ACP7: variants seen among roughly 807,000 people sequenced by gnomAD.
The protein encoded by ACP7 is acid phosphatase type 7.
In ACP7, 58 loss-of-function variants were observed where a neutral mutation model predicts 60.6. The observed-to-expected ratio is 0.96, with a 90% confidence interval of 0.77 to 1.19. The LOEUF (loss-of-function observed/expected upper bound fraction) is 1.19, where lower values mean the gene tolerates loss of function less well. ACP7 is among the 50% of genes most tolerant of loss of function. The pLI, the probability that ACP7 is intolerant of heterozygous loss-of-function variation, is 0.00. For missense variants in ACP7, 574 were observed against 596.2 expected, an observed-to-expected ratio of 0.96 and a Z score of 0.39; for synonymous variants, 237 against 232.6, an observed-to-expected ratio of 1.02 and a Z score of -0.17.
In ACP7 at chr19:39,101,154, G is replaced by A. The variant is rs777356517; in HGVS notation, c.920G>A (p.Arg307His). The A allele has an allele frequency of 5.6e-6, 9 of 1,613,984 alleles. No homozygotes were observed. Among genetic ancestry groups the A allele is most frequent in the Admixed American group, 1.7e-5 (1 of 59,998 alleles). ...DDCTRHESKV[R>H]KGLQGKLYGL... is the part of the protein sequence containing the mutation. Reference sequence around the variant, plus strand: ...CCGCTCATTCACCCTGCCCAGGTCCGCAAAGGCCTCCAAGGCAAGCTGTAC... The same window carrying A: ...CCGCTCATTCACCCTGCCCAGGTCCACAAAGGCCTCCAAGGCAAGCTGTAC... The change falls in exon 9 of 13, where the codon CGC becomes CAC. Residue 307 changes from arginine to histidine, a missense_variant. Physicochemically the swap from Arg to His is conservative, Grantham distance 29 (BLOSUM62 0). Transcript: ENST00000331256.
intron 2 of ACP7, 35 bp downstream of exon 2, chr19:39,085,425 A>G (rs2073130473): frequency 6.3e-7 from 1 of 1,582,822 alleles, no homozygotes; most frequent in African/African-American, 1.4e-5. Context: ...TGCCTCTACC[A>G]GAGAGGCCCA....
At position 39,106,997 on chromosome 19, in the gene ACP7, T is replaced by C. The variant is rs772838167; in HGVS notation, c.1164T>C (p.Ser388=). The C allele has an allele frequency of 1.3e-5, 21 of 1,613,804 alleles. No homozygotes were observed. Among genetic ancestry groups the C allele is most frequent in the Non-Finnish European group, 1.8e-5 (21 of 1,180,010 alleles). The change falls in exon 12 of 13, where the codon AGT becomes AGC. Residue 388 remains serine (S), a synonymous_variant. Transcript: ENST00000331256. ...TPFAVFPRPW[S]AVRVKEYGYT... ...TTGCTGTCTTCCCGAGGCCCTGGAG[T>C]GCCGTGCGTGTGAAGGAGTACGGGT... is the stretch of plus-strand genomic sequence containing the variant.
In ACP7 at chr19:39,098,809, G is replaced by A. The variant is rs2073302504; in HGVS notation, c.322+151G>A. 4 of 1,356,606 alleles carry A rather than the reference G, an allele frequency of 2.9e-6. No individual in the cohort carries two copies. The South Asian group carries it at 4.3e-5, about 15-fold the overall frequency. The allele number at this position is 1,356,606 out of a possible 1,614,324, so 84.0% of individuals were successfully genotyped here. A position where few individuals can be genotyped will look rare whatever the true frequency, so the allele number is the denominator to read the frequency against. Reference sequence around the variant, plus strand: ...TTGTATGAGACCCCAGGATGAAAACGGAAGGTGCCGGGGAAGGCAGACCGA... The same window carrying A: ...TTGTATGAGACCCCAGGATGAAAACAGAAGGTGCCGGGGAAGGCAGACCGA... On this transcript the variant is annotated intron_variant, in intron 3 of 12. Coordinates refer to ENST00000331256, the MANE Select transcript of ACP7 (RefSeq NM_001004318.3).
At position 39,099,049 on chromosome 19, in the gene ACP7, G is replaced by C; in HGVS notation, c.412G>C (p.Val138Leu). The change falls in exon 4 of 13, where the codon GTG becomes CTG. Residue 138 changes from valine to leucine, a missense_variant. Physicochemically the swap from Val to Leu is conservative, Grantham distance 32. Transcript: ENST00000331256. ...NGAHWSPRLA[V>L]FGDLGADNPK... ...GGCCCACTGGAGTCCCCGTCTGGCTGTGTTTGGAGACCTGGGGGCTGACAA... is the reference window on the plus strand; with the variant it reads ...GGCCCACTGGAGTCCCCGTCTGGCTCTGTTTGGAGACCTGGGGGCTGACAA... The C allele has an allele frequency of 6.2e-7, 1 of 1,612,634 alleles. No individual in the cohort carries two copies. The highest frequency in any genetic ancestry group is 8.5e-7 in the Non-Finnish European group (1 of 1,179,568).
chr19:39,098,369 A>G, intron 2 of ACP7, 89 bp from the exon 3 acceptor site: 1 of 987,180 alleles, frequency 1.0e-6, no homozygotes, highest in East Asian at 2.8e-5. Context: ...ACTGTTCAAC[A>G]GTGGTCAACG....
At chr19:39,096,786 ATTTCTTTTTTC>A (rs2073270484) in intron 2 of ACP7, among the ~76,000 whole-genome samples, 1 of 152,066 alleles carries the variant, frequency 6.6e-6, no homozygotes, top group Non-Finnish European at 1.5e-5. Context: ...GGTGAAAGCC[ATTTCTTTTTTC>A]TTTCTTTCTT....
At chr19:39,092,204 C>G (rs952826279) in intron 2 of ACP7, among the ~76,000 whole-genome samples, 7 of 152,104 alleles carry the variant, frequency 4.6e-5, no homozygotes, top group Admixed American at 1.3e-4. Flanking sequence ...AAAACCCGGT[C>G]TCTACTAAAA....
rs116018776 is a variant in ACP7, at chr19:39,101,547, G to T, written c.1113+10G>T. On this transcript the variant is annotated intron_variant, in intron 11 of 12. Transcript: ENST00000331256. ...CATCACAGGATCTGCTGTGAGCAGG[G>T]GGAAGGGTGGCTTTGCCTTCTCTCT... 1 of 1,612,824 alleles carries T rather than the reference G, an allele frequency of 6.2e-7. No individual in the cohort carries two copies. Among genetic ancestry groups the T allele is most frequent in the African/African-American group, 1.3e-5 (1 of 75,014 alleles).
At position 39,111,467 on chromosome 19, in the gene ACP7, T is replaced by C. The variant is rs2073469956; in HGVS notation, c.*1349T>C. 1 of 152,192 alleles carries C rather than the reference T, an allele frequency of 6.6e-6. No individual in the cohort carries two copies. Among genetic ancestry groups the C allele is most frequent in the South Asian group, 2.1e-4 (1 of 4,810 alleles). 9.4% of individuals were successfully genotyped at this position (152,192 alleles called of 1,614,324 possible). A position where few individuals can be genotyped will look rare whatever the true frequency, so the allele number is the denominator to read the frequency against. ...AAAAATATATATAAATAAAAAAGTT[T>C]TAAAAAGAGAAAAATAAACAAAGAA... is the stretch of plus-strand genomic sequence containing the variant. On this transcript the variant is annotated 3_prime_UTR_variant, in exon 13 of 13. Coordinates refer to ENST00000331256, the MANE Select transcript of ACP7 (RefSeq NM_001004318.3).
chr19:39,101,114 C>T (rs1376181443), intron 8 of ACP7, 36 bp from the exon 9 acceptor site: 1 of 1,613,836 alleles, frequency 6.2e-7, no homozygotes, highest in Non-Finnish European at 8.5e-7. Context: ...GGGCGTCAGT[C>T]TGCGTCACCC....
rs1157386593 is a variant in ACP7, at chr19:39,110,271, G to C, written c.*153G>C. ...GGGTACATGCAGCCCTATGGAGCTG[G>C]GGCAGCTGTTCCCTCCTGGAGAGGT... On this transcript the variant is annotated 3_prime_UTR_variant, in exon 13 of 13. Transcript: ENST00000331256. 2.9e-6 allele frequency: 2 copies of C among 700,918 alleles called. No individual in the cohort carries two copies. Among genetic ancestry groups the C allele is most frequent in the Non-Finnish European group, 4.8e-6 (2 of 416,562 alleles). 43.4% of individuals were successfully genotyped at this position (700,918 alleles called of 1,614,324 possible). A position where few individuals can be genotyped will look rare whatever the true frequency, so the allele number is the denominator to read the frequency against.
chr19:39,090,669 A>C (rs531027992), intron 2 of ACP7, among the ~76,000 whole-genome samples: 2 of 151,342 alleles, frequency 1.3e-5, no homozygotes, highest in Non-Finnish European at 2.9e-5. Flanking sequence ...TTTTGTAGAG[A>C]CAGAGTTTCA....
chr19:39,095,361 C>G (rs1485928196), intron 2 of ACP7, among the ~76,000 whole-genome samples: 5 of 152,162 alleles, frequency 3.3e-5, no homozygotes, highest in Non-Finnish European at 7.3e-5. Flanking sequence ...AAAACAAAGG[C>G]ATTACAGGGC....
intron 4 of ACP7, 69 bp downstream of exon 4, chr19:39,099,211 G>A (rs2073311058): frequency 5.8e-6 from 8 of 1,387,580 alleles, no homozygotes; most frequent in Non-Finnish European, 7.4e-6. Context: ...GGGGCGCGCG[G>A]GTCGGGGGCG....
At chr19:39,093,498 C>A (rs1010699953) in intron 2 of ACP7, among the ~76,000 whole-genome samples, 2 of 152,018 alleles carry the variant, frequency 1.3e-5, no homozygotes, top group African/African-American at 2.4e-5. Flanking sequence ...AAGTGACCCA[C>A]CTTCCTGAGC....
chr19:39,097,399 CA>C (rs527462300), intron 2 of ACP7, among the ~76,000 whole-genome samples: 259 of 125,526 alleles, frequency 2.1e-3, no homozygotes, highest in Non-Finnish European at 1.9e-3. Flanking sequence ...CAAGACTCCT[CA>C]AAAAAAAAAA....
intron 2 of ACP7, among the ~76,000 whole-genome samples, chr19:39,092,771 C>CTT (rs67888880): frequency 0.019 from 2,220 of 114,280 alleles, 27 homozygotes; most frequent in East Asian, 0.025. Context: ...TCCCATTCCT[C>CTT]TTTTTTTTTT....
At chr19:39,107,262 C>T (rs62120479) in intron 12 of ACP7, among the ~76,000 whole-genome samples, 178 bp downstream of exon 12, 29,722 of 151,586 alleles carry the variant, frequency 0.2, 2,905 homozygotes, top group Non-Finnish European at 0.21. Context: ...AGCCTGGGTA[C>T]CATGGTGAGA....
rs1600247975 is a variant in ACP7, at chr19:39,085,403, G to T, written c.121+13G>T. ...CTGTCTTACCCAGGTAAGTGTCCCT[G>T]ACTCATTTCTATGCCTCTACCAGAG... On this transcript the variant is annotated intron_variant, in intron 2 of 12. Coordinates refer to ENST00000331256, the MANE Select transcript of ACP7 (RefSeq NM_001004318.3). 1 of 1,603,136 alleles carries T rather than the reference G, an allele frequency of 6.2e-7. No homozygotes were observed. The highest frequency in any genetic ancestry group is 1.1e-5 in the South Asian group (1 of 89,338).
Sources: allele counts gnomAD v4.1 joint callset (sites outside exome capture counted in the v4.1 genomes callset), GRCh38; gene constraint gnomAD v4.1.1; transcripts MANE v1.5; gene names NCBI Gene and HGNC (gene_info 2026-07-23, HGNC 2026-07-21).